FLVCR2: variants seen among roughly 807,000 people sequenced by gnomAD.
The protein encoded by FLVCR2 is choline/ethanolamine transporter FLVCR2.
FLVCR2 carries 38 observed loss-of-function variants against 48.9 expected under a neutral mutation model. The observed-to-expected ratio is 0.78, with a 90% CI of 0.60 to 1.02. FLVCR2 has a LOEUF of 1.02. Ranked by LOEUF, FLVCR2 falls within the 50% of genes least tolerant of loss-of-function variation. FLVCR2 has a pLI of 0.00. For missense variants in FLVCR2, 664 were observed against 663.3 expected (o/e 1.00, Z -0.01); for synonymous variants, 255 against 257.0 (o/e 0.99, Z 0.07).
chr14:75,595,354 A>G (rs1261424608), intron 1 of FLVCR2, among the ~76,000 whole-genome samples: 1 of 152,224 alleles, frequency 6.6e-6, no homozygotes, highest in Non-Finnish European at 1.5e-5. Context: ...CAGCAGTGGA[A>G]ATCAGATCCT....
chr14:75,590,861 C>T (rs556226054), intron 1 of FLVCR2, among the ~76,000 whole-genome samples: 9 of 152,290 alleles, frequency 5.9e-5, no homozygotes, highest in African/African-American at 1.4e-4. Flanking sequence ...TTATCAATTA[C>T]GCAGTCTCCA....
intron 1 of FLVCR2, among the ~76,000 whole-genome samples, chr14:75,617,352 A>G (rs1411375777): frequency 1.3e-5 from 2 of 152,196 alleles, no homozygotes; most frequent in African/African-American, 4.8e-5. Context: ...GATTACTGAC[A>G]TTACAGTAGC....
intron 1 of FLVCR2, among the ~76,000 whole-genome samples, chr14:75,600,980 C>T (rs1258536577): frequency 1.3e-5 from 2 of 151,944 alleles, no homozygotes; most frequent in Non-Finnish European, 2.9e-5. Context: ...AACCTAGCCG[C>T]GCTAGAGGAA....
intron 1 of FLVCR2, chr14:75,605,372 C>G (rs1889265124): frequency 8.4e-7 from 1 of 1,193,620 alleles, no homozygotes; most frequent in Admixed American, 2.9e-5. Flanking sequence ...ATCTCCCCTC[C>G]CTTGATTCTA....
At chr14:75,592,091 A>G (rs1290589338) in intron 1 of FLVCR2, among the ~76,000 whole-genome samples, 1 of 151,770 alleles carries the variant, frequency 6.6e-6, no homozygotes, top group Non-Finnish European at 1.5e-5. Flanking sequence ...TCATCCTCCT[A>G]AAGAGTTGGG....
chr14:75,583,266 C>T (rs371193451), intron 1 of FLVCR2, among the ~76,000 whole-genome samples: 2 of 152,072 alleles, frequency 1.3e-5, no homozygotes, highest in Non-Finnish European at 2.9e-5. Context: ...GTTGATAAGG[C>T]GCAGATCCTG....
At position 75,639,359 on chromosome 14, in the gene FLVCR2, AC is replaced by A; in HGVS notation, c.1135del (p.Leu379TrpfsTer2). 6.2e-7 allele frequency: 1 copy of A among 1,611,300 alleles called. No homozygotes were observed. Among genetic ancestry groups the A allele is most frequent in the Non-Finnish European group, 8.5e-7 (1 of 1,177,472 alleles). On this transcript the variant is annotated frameshift_variant, in exon 6 of 10. Transcript: ENST00000238667. LOFTEE classifies it high-confidence loss of function. Reference protein sequence around the residue: ...LDRSKTYKETTLVVYIMTLVG... With the variant: ...LDRSKTYKETXLVVYIMTLVG... ...CTTTGCCTCTACTTGTAGAGAGACA[AC>A]CCTGGTAGTCTATATCATGACACTG...
At chr14:75,608,232 T>A (rs1889347208) in intron 1 of FLVCR2, among the ~76,000 whole-genome samples, 1 of 152,174 alleles carries the variant, frequency 6.6e-6, no homozygotes, top group Non-Finnish European at 1.5e-5. Context: ...AGCTCCATCA[T>A]CCTTACCGTA....
At position 75,583,704 on chromosome 14, in the gene FLVCR2, T is replaced by C. The variant is rs560550677; in HGVS notation, c.669+4063T>C. Among the ~76,000 whole-genome samples, 3 of 152,236 alleles carry C rather than the reference T, an allele frequency of 2.0e-5. No individual in the cohort carries two copies. In the South Asian group the frequency reaches 6.2e-4, roughly 32 times the overall value. On this transcript the variant is annotated intron_variant, in intron 1 of 9. Coordinates refer to ENST00000238667, the MANE Select transcript of FLVCR2 (RefSeq NM_017791.3). ...CTAAAAAGGAGTGCATAAAGGAATG[T>C]TGTCCAAGTTGGCACCAGAGCTGGG... is the stretch of plus-strand genomic sequence containing the variant.
chr14:75,606,655 G>A (rs1889298063), intron 1 of FLVCR2, among the ~76,000 whole-genome samples: 1 of 152,126 alleles, frequency 6.6e-6, no homozygotes, highest in African/African-American at 2.4e-5. Flanking sequence ...AGAACCACGT[G>A]GGTGTTCATT....
chr14:75,598,558 G>A (rs1033156709), intron 1 of FLVCR2, among the ~76,000 whole-genome samples: 14 of 152,262 alleles, frequency 9.2e-5, no homozygotes, highest in Admixed American at 8.5e-4. Context: ...GCACACTGCA[G>A]TCTTGACCTC....
Position 75,624,701 on chromosome 14 carries a change from A to G in FLVCR2, c.901A>G (p.Ile301Val), listed in dbSNP as rs775321790. Residue 301 changes from isoleucine to valine, a missense_variant, in exon 3 of 10, where the codon ATC (isoleucine) becomes GTC (valine). Transcript: ENST00000238667. ...TCCTGATGCCTCATACTTAGGTTCC[A>G]TCGCCCGGCTCTTCAAAAATCTCAA... Reference protein sequence around the residue: ...TSPDASYLGSIARLFKNLNFV... With the variant: ...TSPDASYLGSVARLFKNLNFV... 3.7e-6 allele frequency: 6 copies of G among 1,614,004 alleles called. No homozygotes were observed. The highest frequency in any genetic ancestry group is 1.1e-5 in the South Asian group (1 of 91,080).
Position 75,580,468 on chromosome 14 carries a change from G to A in FLVCR2, c.669+827G>A, listed in dbSNP as rs930269078. Among the ~76,000 whole-genome samples the A allele has an allele frequency of 2.6e-5, 4 of 152,290 alleles. No individual in the cohort carries two copies. The South Asian group carries it at 6.2e-4, about 24-fold the overall frequency. On this transcript the variant is annotated intron_variant, in intron 1 of 9. Transcript: ENST00000238667. ...ATCTTTCCAAGCACGTACAGTCCTG[G>A]CTGTGTGTTTAACAAAGGATTGGTA...
chr14:75,594,033 C>T (rs148836223), intron 1 of FLVCR2, among the ~76,000 whole-genome samples: 5 of 152,296 alleles, frequency 3.3e-5, no homozygotes, highest in Admixed American at 3.3e-4. Context: ...TTTCTTTCAC[C>T]AGATATCCTA....
intron 1 of FLVCR2, among the ~76,000 whole-genome samples, chr14:75,606,652 C>T (rs1030490224): frequency 1.4e-4 from 22 of 152,122 alleles, no homozygotes; most frequent in African/African-American, 5.3e-4. Flanking sequence ...ACCAGAACCA[C>T]GTGGGTGTTC....
At chr14:75,623,673 T>C (rs577171204) in intron 2 of FLVCR2, among the ~76,000 whole-genome samples, 52 of 152,256 alleles carry the variant, frequency 3.4e-4, no homozygotes, top group African/African-American at 1.1e-3. Context: ...TGGTATGTTA[T>C]TTGCTGGTTA....
chr14:75,578,891 T>G lies in FLVCR2; in HGVS notation c.-82T>G. ...GAATAGGCAAGTGTCCTTTCAACTC[T>G]AAGAGACCAGCAGAGGCCACTGTCC... is the stretch of plus-strand genomic sequence containing the variant. On this transcript the variant is annotated 5_prime_UTR_variant, in exon 1 of 10. Transcript: ENST00000238667. 3.0e-6 allele frequency: 4 copies of G among 1,333,256 alleles called. No individual in the cohort carries two copies. The highest frequency in any genetic ancestry group is 4.3e-6 in the Non-Finnish European group (4 of 929,246). 82.6% of individuals were successfully genotyped at this position (1,333,256 alleles called of 1,614,324 possible). A position where few individuals can be genotyped will look rare whatever the true frequency, so the allele number is the denominator to read the frequency against.
chr14:75,623,868 T>C (rs914162418), intron 2 of FLVCR2, among the ~76,000 whole-genome samples: 1 of 151,922 alleles, frequency 6.6e-6, no homozygotes, highest in Non-Finnish European at 1.5e-5. Flanking sequence ...CTAGCCAAAA[T>C]AGTGAAACCT....
rs576147902 is a variant in FLVCR2, at chr14:75,627,603, A to G, written c.952+2851A>G. ...TGGAGCTCCACCCCTGAGAATTACT[A>G]TTTGACCTACCTAGCAGGTCCCCGG... is the stretch of plus-strand genomic sequence containing the variant. On this transcript the variant is annotated intron_variant, in intron 3 of 9. Coordinates refer to ENST00000238667, the MANE Select transcript of FLVCR2 (RefSeq NM_017791.3). Among the ~76,000 whole-genome samples the G allele has an allele frequency of 6.6e-5, 10 of 152,332 alleles. No homozygotes were observed. In the South Asian group the frequency reaches 2.1e-3, roughly 32 times the overall value.
Sources: gnomAD v4.1 joint callset for allele counts (sites outside exome capture counted in the v4.1 genomes callset) on GRCh38, gnomAD v4.1.1 for gene constraint, MANE v1.5 for transcripts, NCBI Gene and HGNC (gene_info 2026-07-23, HGNC 2026-07-21) for gene names.